Variants in GRID2 observed in about 807,000 individuals in gnomAD.
GRID2 encodes glutamate receptor ionotropic, delta-2.
GRID2 carries 33 observed loss-of-function variants against 114.8 expected under a neutral mutation model. That is an observed-to-expected ratio of 0.29 (90% CI 0.22 to 0.38). The LOEUF is 0.38. Among genes scored for constraint, GRID2 ranks in the 10% least tolerant of loss-of-function variants. GRID2 has a pLI of 1.00. For synonymous variants in GRID2, 505 were observed against 449.9 expected, an observed-to-expected ratio of 1.12 and a Z score of -1.55; for missense variants, 1,184 against 1,257.7, an observed-to-expected ratio of 0.94 and a Z score of 0.89.
intron 2 of GRID2, among the ~76,000 whole-genome samples, chr4:92,632,737 G>A (rs533707654): frequency 1.4e-5 from 2 of 147,406 alleles, no homozygotes; most frequent in South Asian, 2.1e-4. Context: ...GGGAAGGAAG[G>A]GAAGAAGTGA....
chr4:92,741,053 T>C (rs1242728892), intron 2 of GRID2, among the ~76,000 whole-genome samples: 1 of 152,144 alleles, frequency 6.6e-6, no homozygotes, highest in Non-Finnish European at 1.5e-5. Flanking sequence ...CTATAATTCT[T>C]TTCATATGTG....
intron 1 of GRID2, among the ~76,000 whole-genome samples, chr4:92,525,167 G>GA (rs1724984962): frequency 1.3e-5 from 2 of 151,578 alleles, no homozygotes; most frequent in Admixed American, 6.6e-5. Flanking sequence ...CAATGAGATG[G>GA]AAAAATAGCT....
At chr4:92,609,983 C>A (rs1269952185) in intron 2 of GRID2, among the ~76,000 whole-genome samples, 1 of 151,604 alleles carries the variant, frequency 6.6e-6, no homozygotes, top group African/African-American at 2.4e-5. Context: ...AACTTTTCAT[C>A]CACAATGTTA....
chr4:93,725,446 A>G (rs1028957650), intron 14 of GRID2, among the ~76,000 whole-genome samples: 1 of 152,086 alleles, frequency 6.6e-6, no homozygotes, highest in Non-Finnish European at 1.5e-5. Context: ...ATAAACATAC[A>G]TGTGCATGTG....
rs371917514 is a variant in GRID2, at chr4:93,172,541, G to A, written c.736-34863G>A. ...TGGGAGGCACAGGTTGCAGTGAGCC[G>A]AGATCCAGCCATTGCACTCCAGCCT... is the stretch of plus-strand genomic sequence containing the variant. On this transcript the variant is annotated intron_variant, in intron 4 of 15. Coordinates refer to ENST00000282020, the MANE Select transcript of GRID2 (RefSeq NM_001510.4). 4.2e-3 allele frequency among the ~76,000 whole-genome samples: 636 copies of A among 151,750 alleles called. 8 individuals are homozygous for A. Among genetic ancestry groups the A allele is most frequent in the African/African-American group, 0.015 (612 of 41,372 alleles).
At position 93,769,211 on chromosome 4, in the gene GRID2, A is replaced by G; in HGVS notation, c.2362A>G (p.Ile788Val). Residue 788 changes from isoleucine to valine, a missense_variant and splice_region_variant, in exon 15 of 16, where the codon ATC (isoleucine) becomes GTC (valine). Physicochemically the swap from Ile to Val is conservative, Grantham distance 29. Transcript: ENST00000282020. ...SPYRDVFSQR[I>V]LELQQNGDMD... ...CATGCTTATGTTCTTTATCCCAAGG[A>G]TCCTGGAGCTTCAGCAGAATGGTGA... 6.2e-7 allele frequency: 1 copy of G among 1,613,960 alleles called. No homozygotes were observed. Among genetic ancestry groups the G allele is most frequent in the Non-Finnish European group, 8.5e-7 (1 of 1,179,870 alleles).
chr4:92,480,015 AAT>A (rs1270521681), intron 1 of GRID2, among the ~76,000 whole-genome samples: 2 of 152,154 alleles, frequency 1.3e-5, no homozygotes, highest in Non-Finnish European at 2.9e-5. Context: ...TTTATTGCAT[AAT>A]GAGTATTATT....
At chr4:93,482,128 T>C (rs1725935219) in intron 11 of GRID2, among the ~76,000 whole-genome samples, 1 of 152,026 alleles carries the variant, frequency 6.6e-6, no homozygotes, top group African/African-American at 2.4e-5. Flanking sequence ...TTTGTAAAAG[T>C]AAAATCAAAA....
At chr4:92,880,667 C>T (rs139753907) in intron 2 of GRID2, among the ~76,000 whole-genome samples, 103 of 151,832 alleles carry the variant, frequency 6.8e-4, no homozygotes, top group African/African-American at 2.3e-3. Flanking sequence ...ATGGCCTTTT[C>T]AAAAAAACAA....
intron 2 of GRID2, among the ~76,000 whole-genome samples, chr4:92,866,693 G>A (rs1482018037): frequency 2.6e-5 from 4 of 151,474 alleles, no homozygotes; most frequent in East Asian, 3.9e-4. Flanking sequence ...ACAGGCACCC[G>A]CCACCATGCC....
intron 4 of GRID2, among the ~76,000 whole-genome samples, chr4:93,167,122 T>C (rs1738329303): frequency 6.6e-6 from 1 of 152,130 alleles, no homozygotes; most frequent in Admixed American, 6.6e-5. Context: ...AGAAAGGGAA[T>C]GTAAAAATTG....
chr4:93,055,585 A>C (rs1727151882), intron 2 of GRID2, among the ~76,000 whole-genome samples: 1 of 151,998 alleles, frequency 6.6e-6, no homozygotes, highest in Admixed American at 6.6e-5. Flanking sequence ...CTACCAAATC[A>C]AAACTTAGTA....
At chr4:92,348,290 T>C (rs1407976234) in intron 1 of GRID2, among the ~76,000 whole-genome samples, 1 of 152,176 alleles carries the variant, frequency 6.6e-6, no homozygotes, top group African/African-American at 2.4e-5. Context: ...GGCGAATCCT[T>C]CTAGTTCTTA....
chr4:92,307,210 G>T (rs140207012), intron 1 of GRID2, among the ~76,000 whole-genome samples: 4 of 152,110 alleles, frequency 2.6e-5, no homozygotes, highest in African/African-American at 9.6e-5. Context: ...TTTTCTTTAG[G>T]AGGTGTTGCC....
chr4:93,125,395 A>G (rs1381034517), intron 4 of GRID2, among the ~76,000 whole-genome samples: 4 of 151,932 alleles, frequency 2.6e-5, no homozygotes, highest in African/African-American at 9.7e-5. Context: ...TATACATAAT[A>G]TTTATATATG....
At chr4:93,692,913 T>G (rs1185190100) in intron 14 of GRID2, among the ~76,000 whole-genome samples, 1 of 152,162 alleles carries the variant, frequency 6.6e-6, no homozygotes, top group Non-Finnish European at 1.5e-5. Context: ...TCTCATTAGC[T>G]CATTCATTAA....
At chr4:93,694,918 T>A (rs1015578986) in intron 14 of GRID2, among the ~76,000 whole-genome samples, 25 of 152,114 alleles carry the variant, frequency 1.6e-4, no homozygotes, top group Non-Finnish European at 2.8e-4. Flanking sequence ...ACGCTTGTAA[T>A]CCTAGCACTT....
At chr4:92,652,169 C>T (rs1731966261) in intron 2 of GRID2, among the ~76,000 whole-genome samples, 1 of 152,020 alleles carries the variant, frequency 6.6e-6, no homozygotes, top group South Asian at 2.1e-4. Context: ...TTTTCCCCTG[C>T]CTTTTTGTTC....
intron 2 of GRID2, among the ~76,000 whole-genome samples, chr4:92,872,594 G>A (rs913740804): frequency 2.0e-5 from 3 of 152,078 alleles, no homozygotes; most frequent in Admixed American, 2.0e-4. Flanking sequence ...TCTTCTGCAG[G>A]GGGCAAATCC....
Sources: allele counts gnomAD v4.1 joint callset (sites outside exome capture counted in the v4.1 genomes callset), GRCh38; gene constraint gnomAD v4.1.1; transcripts MANE v1.5; gene names NCBI Gene and HGNC (gene_info 2026-07-23, HGNC 2026-07-21).